The following MACROD2 variants were observed in gnomAD, a reference collection of about 807,000 sequenced individuals.
MACROD2 encodes the protein ADP-ribose glycohydrolase MACROD2.
In MACROD2, 36 loss-of-function variants were observed where a neutral mutation model predicts 70.4. That is an observed-to-expected ratio of 0.51 (90% CI 0.39 to 0.68). The LOEUF (loss-of-function observed/expected upper bound fraction) is 0.68. MACROD2 is among the 30% of genes least tolerant of loss of function. The pLI is 0.00. For missense variants in MACROD2, 496 were observed against 538.4 expected, an observed-to-expected ratio of 0.92 and a Z score of 0.78; for synonymous variants, 172 against 178.8, an observed-to-expected ratio of 0.96 and a Z score of 0.30.
intron 5 of MACROD2, among the ~76,000 whole-genome samples, chr20:14,778,426 C>T (rs1330854317): frequency 2.6e-5 from 4 of 152,052 alleles, no homozygotes; most frequent in Non-Finnish European, 5.9e-5. Context: ...CATCTCTGTT[C>T]CCTTATGTTG....
At chr20:14,530,996 G>A (rs1314406299) in intron 4 of MACROD2, among the ~76,000 whole-genome samples, 3 of 152,080 alleles carry the variant, frequency 2.0e-5, no homozygotes, top group African/African-American at 7.2e-5. Context: ...TTATTCTTTT[G>A]TTATTTTCTC....
intron 3 of MACROD2, among the ~76,000 whole-genome samples, chr20:14,129,047 T>G (rs962393305): frequency 3.9e-5 from 6 of 152,232 alleles, no homozygotes; most frequent in African/African-American, 1.4e-4. Flanking sequence ...CAAGGAATAA[T>G]TTCAACTTTT....
intron 4 of MACROD2, among the ~76,000 whole-genome samples, chr20:14,682,073 G>A (rs538405411): frequency 3.3e-5 from 5 of 152,186 alleles, no homozygotes; most frequent in Middle Eastern, 6.8e-3. Flanking sequence ...TTCACTGCCC[G>A]AGTGCAGTCA....
chr20:14,449,785 CT>C (rs2084224412), intron 3 of MACROD2, among the ~76,000 whole-genome samples: 1 of 152,062 alleles, frequency 6.6e-6, no homozygotes. Context: ...AATCACATAG[CT>C]AGTAGTTATC....
rs77175193 is a variant in MACROD2, at chr20:15,779,258, A to T, written c.646-83487A>T. 6.2e-3 allele frequency among the ~76,000 whole-genome samples: 945 copies of T among 152,212 alleles called. 8 individuals carry two copies. Among genetic ancestry groups the T allele is most frequent in the African/African-American group, 0.021 (881 of 41,546 alleles). On this transcript the variant is annotated intron_variant, in intron 8 of 17. Transcript: ENST00000684519. ...TGTTCTAAGAAGCTATTATCCCTTT[A>T]TGTGCATTAGATCACAGAACAGCTA...
In MACROD2 at chr20:14,930,026, G is replaced by A. The variant is rs188617725; in HGVS notation, c.418+245067G>A. 4.6e-4 allele frequency among the ~76,000 whole-genome samples: 70 copies of A among 152,098 alleles called. 1 individual carries two copies. The highest frequency in any genetic ancestry group is 1.5e-3 in the African/African-American group (64 of 41,518). Reference sequence around the variant, plus strand: ...AATACAAAAAAATTAGCCGGGCGTGGTGGCGGGAGCCTGTAGTCCCAGCTA... The same window carrying A: ...AATACAAAAAAATTAGCCGGGCGTGATGGCGGGAGCCTGTAGTCCCAGCTA... On this transcript the variant is annotated intron_variant, in intron 5 of 17. Transcript: ENST00000684519.
At chr20:15,027,599 G>C (rs2075242522) in intron 5 of MACROD2, among the ~76,000 whole-genome samples, 1 of 151,682 alleles carries the variant, frequency 6.6e-6, no homozygotes, top group Admixed American at 6.6e-5. Context: ...TTTAGCCTTG[G>C]CACAGTGGCT....
At chr20:15,646,960 G>A (rs919067682) in intron 8 of MACROD2, among the ~76,000 whole-genome samples, 5 of 152,204 alleles carry the variant, frequency 3.3e-5, no homozygotes, top group African/African-American at 1.2e-4. Context: ...TTGGAACCCA[G>A]ACTGTTTGGC....
intron 5 of MACROD2, among the ~76,000 whole-genome samples, chr20:14,740,643 A>G (rs995086955): frequency 6.6e-6 from 1 of 152,152 alleles, no homozygotes; most frequent in Admixed American, 6.5e-5. Context: ...GCTTATCTTA[A>G]AAGCTGCTTA....
intron 5 of MACROD2, among the ~76,000 whole-genome samples, chr20:15,207,521 C>A (rs1021376295): frequency 7.1e-6 from 1 of 141,592 alleles, no homozygotes; most frequent in South Asian, 2.3e-4. Context: ...CAGCTTACTG[C>A]AACCTCTGCC....
intron 6 of MACROD2, among the ~76,000 whole-genome samples, chr20:15,303,242 A>C (rs956897239): frequency 6.6e-6 from 1 of 152,098 alleles, no homozygotes. Flanking sequence ...TTGAACCTCT[A>C]ATCTTGACTT....
intron 6 of MACROD2, among the ~76,000 whole-genome samples, chr20:15,336,695 G>T (rs1239538468): frequency 6.6e-6 from 1 of 151,752 alleles, no homozygotes; most frequent in African/African-American, 2.4e-5. Context: ...AAAAGTGCGT[G>T]TGTGGCCTGC....
intron 8 of MACROD2, among the ~76,000 whole-genome samples, chr20:15,532,865 T>A (rs59862975): frequency 0.023 from 3,484 of 152,150 alleles, 124 homozygotes; most frequent in African/African-American, 0.079. Flanking sequence ...ATCTGTCAAT[T>A]AAAGGGTTTG....
chr20:15,066,185 A>G (rs1422866911), intron 5 of MACROD2, among the ~76,000 whole-genome samples: 1 of 151,436 alleles, frequency 6.6e-6, no homozygotes, highest in African/African-American at 2.4e-5. Context: ...AGGCTGGAGT[A>G]CAATGGTACG....
intron 5 of MACROD2, among the ~76,000 whole-genome samples, chr20:14,729,197 A>G (rs141082927): frequency 1.3e-5 from 2 of 152,280 alleles, no homozygotes; most frequent in East Asian, 3.9e-4. Flanking sequence ...ACTTTAACAA[A>G]TTATACAAAT....
At chr20:15,699,726 C>T (rs989274568) in intron 8 of MACROD2, among the ~76,000 whole-genome samples, 34 of 152,294 alleles carry the variant, frequency 2.2e-4, no homozygotes, top group Non-Finnish European at 3.7e-4. Context: ...CCACCTGTGA[C>T]GTCTGCACTC....
intron 3 of MACROD2, among the ~76,000 whole-genome samples, chr20:14,445,867 A>T (rs1473221271): frequency 6.6e-6 from 1 of 152,170 alleles, no homozygotes; most frequent in Non-Finnish European, 1.5e-5. Flanking sequence ...TAGTTCCAAC[A>T]GTCATTTCTG....
intron 5 of MACROD2, among the ~76,000 whole-genome samples, chr20:15,083,635 C>T (rs912675341): frequency 6.6e-6 from 1 of 151,640 alleles, no homozygotes; most frequent in African/African-American, 2.4e-5. Context: ...AAATTCTAGG[C>T]TGGCATGTAA....
intron 8 of MACROD2, among the ~76,000 whole-genome samples, chr20:15,577,212 G>A (rs2048460634): frequency 6.6e-6 from 1 of 151,366 alleles, no homozygotes; most frequent in African/African-American, 2.4e-5. Context: ...TTTTTATAAT[G>A]GAAAATTTCA....
Sources: gnomAD v4.1 joint callset for allele counts (sites outside exome capture counted in the v4.1 genomes callset) on GRCh38, gnomAD v4.1.1 for gene constraint, MANE v1.5 for transcripts, NCBI Gene and HGNC (gene_info 2026-07-23, HGNC 2026-07-21) for gene names.